The following RGS22 variants were observed in gnomAD, a reference collection of about 807,000 sequenced individuals.
RGS22 encodes the protein regulator of G protein signaling 22.
RGS22 carries 148 observed loss-of-function variants against 172.9 expected under a neutral mutation model. The observed-to-expected ratio is 0.86, with a 90% CI of 0.75 to 0.98. The LOEUF is 0.98. RGS22 is among the 50% of genes least tolerant of loss of function. The pLI is 0.00. For missense variants in RGS22, 1,347 were observed against 1,440.8 expected (o/e 0.93, Z 1.05); for synonymous variants, 458 against 480.2 (o/e 0.95, Z 0.60).
At chr8:100,082,183 A>G (rs1396532858) in intron 3 of RGS22, among the ~76,000 whole-genome samples, 1 of 152,200 alleles carries the variant, frequency 6.6e-6, no homozygotes. Context: ...CTGAATGTCT[A>G]TCATGTGATA....
chr8:100,091,859 A>T (rs775471825), intron 3 of RGS22: 15 of 152,168 alleles, frequency 9.9e-5, no homozygotes, highest in Non-Finnish European at 2.1e-4. Flanking sequence ...ACTGGACAAC[A>T]AAAGTTAAAG....
intron 22 of RGS22, among the ~76,000 whole-genome samples, chr8:99,980,183 G>A (rs1246022039): frequency 6.6e-6 from 1 of 152,136 alleles, no homozygotes; most frequent in Non-Finnish European, 1.5e-5. Context: ...TCCTGCCTTG[G>A]CCTTCCAAAG....
chr8:99,980,398 G>C (rs1812427248), intron 22 of RGS22, among the ~76,000 whole-genome samples: 1 of 152,178 alleles, frequency 6.6e-6, no homozygotes, highest in African/African-American at 2.4e-5. Context: ...TAGTTGAGTG[G>C]AGATGTGGAT....
intron 23 of RGS22, among the ~76,000 whole-genome samples, chr8:99,972,248 C>T (rs1811445387): frequency 6.6e-6 from 1 of 152,096 alleles, no homozygotes; most frequent in South Asian, 2.1e-4. Flanking sequence ...TAAAAATTAA[C>T]TCAAGATGGA....
At chr8:100,056,920 T>C (rs550169946) in intron 9 of RGS22, among the ~76,000 whole-genome samples, 47 of 152,236 alleles carry the variant, frequency 3.1e-4, no homozygotes, top group African/African-American at 1.1e-3. Context: ...CCCGGAATGG[T>C]AGATCCACCA....
intron 23 of RGS22, among the ~76,000 whole-genome samples, chr8:99,971,786 G>A (rs1286563211): frequency 6.6e-6 from 1 of 151,880 alleles, no homozygotes; most frequent in Non-Finnish European, 1.5e-5. Context: ...AGTATCGTGG[G>A]ATAGGAAGAA....
chr8:99,992,525 G>A (rs6994747), intron 20 of RGS22, among the ~76,000 whole-genome samples: 61,941 of 151,846 alleles, frequency 0.41, 12,872 homozygotes, highest in East Asian at 0.48. Flanking sequence ...AAAGAAGGCC[G>A]TTACATAATG....
intron 4 of RGS22, among the ~76,000 whole-genome samples, chr8:100,077,683 A>G (rs1811453580): frequency 6.6e-6 from 1 of 152,198 alleles, no homozygotes; most frequent in South Asian, 2.1e-4. Context: ...AGAGAAAAAA[A>G]TGTATACTTT....
intron 21 of RGS22, among the ~76,000 whole-genome samples, chr8:99,986,160 G>A (rs969819027): frequency 1.3e-5 from 2 of 151,916 alleles, no homozygotes; most frequent in African/African-American, 4.8e-5. Flanking sequence ...AGCCCAGCAG[G>A]TCAAGGCTGC....
At chr8:100,093,409 G>T in intron 3 of RGS22, 38 bp downstream of exon 3, 3 of 1,273,816 alleles carry the variant, frequency 2.4e-6, no homozygotes, top group South Asian at 1.4e-5. Flanking sequence ...ATTTTGCTTT[G>T]ATAATATATA....
intron 14 of RGS22, among the ~76,000 whole-genome samples, chr8:100,034,222 T>C (rs538650632): frequency 6.6e-6 from 1 of 152,294 alleles, no homozygotes; most frequent in African/African-American, 2.4e-5. Context: ...AACCCCATCA[T>C]CTCAGCCCAA....
intron 3 of RGS22, among the ~76,000 whole-genome samples, chr8:100,084,123 C>T (rs1350749737): frequency 6.6e-6 from 1 of 152,170 alleles, no homozygotes; most frequent in African/African-American, 2.4e-5. Flanking sequence ...AGGCGTGAGC[C>T]ACCACGCCCG....
intron 10 of RGS22, among the ~76,000 whole-genome samples, chr8:100,052,206 CAT>C (rs562122631): frequency 1.7e-5 from 2 of 116,890 alleles, no homozygotes; most frequent in East Asian, 2.4e-4. Context: ...AATATATAAA[CAT>C]ATATAAATAT....
intron 6 of RGS22, among the ~76,000 whole-genome samples, chr8:100,070,317 G>A (rs982097462): frequency 6.6e-6 from 1 of 152,084 alleles, no homozygotes; most frequent in African/African-American, 2.4e-5. Flanking sequence ...TTGAGAAAAT[G>A]TTAAATAGAA....
intron 14 of RGS22, among the ~76,000 whole-genome samples, chr8:100,026,145 C>T (rs893560949): frequency 3.3e-5 from 5 of 152,074 alleles, no homozygotes; most frequent in African/African-American, 1.2e-4. Context: ...GGTTTGTACA[C>T]TATAAAAGCA....
intron 23 of RGS22, among the ~76,000 whole-genome samples, chr8:99,973,962 C>A (rs1414807001): frequency 2.0e-5 from 3 of 151,356 alleles, no homozygotes; most frequent in Admixed American, 6.6e-5. Flanking sequence ...ATGTAACAAA[C>A]CCGCACGTTA....
chr8:99,987,380 AAAGT>A (rs2131245899), intron 21 of RGS22, 74 bp downstream of exon 21: 2 of 1,118,276 alleles, frequency 1.8e-6, no homozygotes, highest in East Asian at 2.4e-5. Flanking sequence ...TCTTGTGCAT[AAAGT>A]TAGTTAAAAA....
intron 23 of RGS22, among the ~76,000 whole-genome samples, chr8:99,974,538 G>A (rs2131153946): frequency 6.6e-6 from 1 of 152,240 alleles, no homozygotes; most frequent in African/African-American, 2.4e-5. Flanking sequence ...AGTGGCTCAT[G>A]CCTGTAATCA....
chr8:100,025,096 ACT>A (rs1285673250), intron 14 of RGS22, among the ~76,000 whole-genome samples: 1 of 152,066 alleles, frequency 6.6e-6, no homozygotes, highest in Admixed American at 6.6e-5. Flanking sequence ...AAATCTTAAG[ACT>A]CTATGCATAA....
Sources: allele counts gnomAD v4.1 joint callset (sites outside exome capture counted in the v4.1 genomes callset), GRCh38; gene constraint gnomAD v4.1.1; transcripts MANE v1.5; gene names NCBI Gene and HGNC (gene_info 2026-07-23, HGNC 2026-07-21).